The following PLCXD1 variants were observed in gnomAD, a reference collection of about 807,000 sequenced individuals.
The protein encoded by PLCXD1 is phosphatidylinositol specific phospholipase C X domain containing 1.
In PLCXD1, 45 loss-of-function variants were observed where a neutral mutation model predicts 37.8. The ratio of observed to expected loss-of-function variants is 1.19; its 90% confidence interval spans 0.94 to 1.53. The LOEUF is 1.53. PLCXD1 is among the 40% of genes most tolerant of loss of function. The pLI is 0.00. For synonymous variants in PLCXD1, 246 were observed against 206.9 expected (o/e 1.19, Z -1.62); for missense variants, 539 against 454.7 (o/e 1.19, Z -1.69).
At position 288,768 on chromosome X, in the gene PLCXD1, A is replaced by C. The variant is rs1312602683; in HGVS notation, c.163A>C (p.Lys55Gln). The C allele has an allele frequency of 6.2e-7, 1 of 1,613,848 alleles. No homozygotes were observed. The highest frequency in any genetic ancestry group is 1.7e-5 in the Admixed American group (1 of 60,014). Residue 55 changes from lysine (K) to glutamine (Q), a missense_variant, in exon 3 of 7, where the codon AAG (lysine) becomes CAG (glutamine). By Grantham distance (53) the Lys-to-Gln change is moderately conservative. Coordinates refer to ENST00000381657, the MANE Select transcript of PLCXD1 (RefSeq NM_018390.4). ...CACGATGACGTACTGCCTGAACAAG[A>C]AGTCCCCCATTTCGCACGAGGAGTC... ...HDTMTYCLNK[K>Q]SPISHEESRL...
At chrX:286,850 T>C (rs936560285) in intron 2 of PLCXD1, among the ~76,000 whole-genome samples, 2 of 152,100 alleles carry the variant, frequency 1.3e-5, no homozygotes, top group Non-Finnish European at 2.9e-5. Flanking sequence ...TCTTATAAAC[T>C]AGGCAAGGTG....
chrX:285,139 T>C (rs770301830), intron 2 of PLCXD1, among the ~76,000 whole-genome samples: 28 of 121,888 alleles, frequency 2.3e-4, no homozygotes, highest in Middle Eastern at 4.1e-3. Context: ...CACACATACA[T>C]GCATGCACAC....
Position 299,406 on chromosome X carries a change from G to C in PLCXD1, c.*71G>C, listed in dbSNP as rs1408698838. ...CCGAATTTCCAAGTATTGTGACTTT[G>C]TTTGGGCCAAATGTTGGTGATCATA... is the stretch of plus-strand genomic sequence containing the variant. On this transcript the variant is annotated 3_prime_UTR_variant, in exon 7 of 7. Coordinates refer to ENST00000381657, the MANE Select transcript of PLCXD1 (RefSeq NM_018390.4). 3.7e-6 allele frequency: 4 copies of C among 1,084,426 alleles called. No individual in the cohort carries two copies. Among genetic ancestry groups the C allele is most frequent in the African/African-American group, 3.1e-5 (2 of 64,798 alleles). The allele number at this position is 1,084,426 out of a possible 1,614,324, so 67.2% of individuals were successfully genotyped here. A position where few individuals can be genotyped will look rare whatever the true frequency, so the allele number is the denominator to read the frequency against.
intron 5 of PLCXD1, 65 bp downstream of exon 5, chrX:291,719 A>G (rs7892580): frequency 0.16 from 242,054 of 1,535,528 alleles, 24,219 homozygotes; most frequent in African/African-American, 0.48. Flanking sequence ...CTCAGACTCC[A>G]TTTGCTGTGC....
chrX:282,964 GTATATATTATATGTATAA>G (rs968198329), intron 1 of PLCXD1, among the ~76,000 whole-genome samples: 94 of 143,798 alleles, frequency 6.5e-4, no homozygotes, highest in African/African-American at 2.2e-3. Context: ...TATTATATAT[GTATATATTATATGTATAA>G]TATATATTAT....
chrX:292,163 G>T (rs1231497597), intron 5 of PLCXD1, among the ~76,000 whole-genome samples: 2 of 145,974 alleles, frequency 1.4e-5, no homozygotes, highest in Non-Finnish European at 3.0e-5. Flanking sequence ...ATCTGGGTGT[G>T]GCGGTGGGTG....
chrX:294,103 A>G (rs768101252), intron 6 of PLCXD1, among the ~76,000 whole-genome samples: 18 of 149,376 alleles, frequency 1.2e-4, no homozygotes, highest in African/African-American at 4.4e-4. Context: ...TTGGGAGGCC[A>G]AGGTGGGTGG....
Position 299,480 on chromosome X carries a change from G to A in PLCXD1, c.*145G>A. ...TTTTCTTTAAAATAGAGATGGGGTGGCTGGGCGTGGTGACTTCGCCTGTCT... is the reference window on the plus strand; with the variant it reads ...TTTTCTTTAAAATAGAGATGGGGTGACTGGGCGTGGTGACTTCGCCTGTCT... On this transcript the variant is annotated 3_prime_UTR_variant, in exon 7 of 7. Coordinates refer to ENST00000381657, the MANE Select transcript of PLCXD1 (RefSeq NM_018390.4). 1.4e-6 allele frequency: 1 copy of A among 699,206 alleles called. No homozygotes were observed. The highest frequency in any genetic ancestry group is 2.7e-5 in the East Asian group (1 of 37,440). 43.3% of individuals were successfully genotyped at this position (699,206 alleles called of 1,614,324 possible).
chrX:286,875 CAGG>C (rs1197414408), intron 2 of PLCXD1, among the ~76,000 whole-genome samples: 2 of 151,966 alleles, frequency 1.3e-5, no homozygotes, highest in Admixed American at 6.6e-5. Flanking sequence ...TAGGGGGCAG[CAGG>C]AGAAGTACTG....
At position 300,498 on chromosome X, in the gene PLCXD1, A is replaced by G. The variant is rs28841620; in HGVS notation, c.*1163A>G. The G allele has an allele frequency of 1.5e-5, 2 of 136,192 alleles. No homozygotes were observed. Among genetic ancestry groups the G allele is most frequent in the East Asian group, 2.0e-4 (1 of 5,080 alleles). The allele number at this position is 136,192 out of a possible 1,614,324, so 8.4% of individuals were successfully genotyped here. On this transcript the variant is annotated 3_prime_UTR_variant, in exon 7 of 7. Transcript: ENST00000381657. ...TGTGTGTATATGTGTGTATGTGTGTATATATGTATATGTGTGCATATGTGT... is the reference window on the plus strand; with the variant it reads ...TGTGTGTATATGTGTGTATGTGTGTGTATATGTATATGTGTGCATATGTGT...
chrX:286,864 G>A (rs1444928180), intron 2 of PLCXD1, among the ~76,000 whole-genome samples: 2 of 151,962 alleles, frequency 1.3e-5, no homozygotes, highest in African/African-American at 4.8e-5. Flanking sequence ...CAAGGTGGGG[G>A]TAGGGGGCAG....
rs750537038 is a variant in PLCXD1 at position 299,309 on chromosome X, C to G, written c.946C>G (p.Leu316Val). 1 of 1,613,594 alleles carries G rather than the reference C, an allele frequency of 6.2e-7. No individual in the cohort carries two copies. The highest frequency in any genetic ancestry group is 8.5e-7 in the Non-Finnish European group (1 of 1,179,534). ...CGGCTTCGTCAGTGACGTCATCGCG[C>G]TCAATCAGAAGCTGCTGTGGTGCTG... is the stretch of plus-strand genomic sequence containing the variant. ...ADGFVSDVIALNQKLLWC is the reference protein window; with the variant it reads ...ADGFVSDVIAVNQKLLWC The change falls in exon 7 of 7, where the codon CTC becomes GTC. Residue 316 changes from leucine to valine, a missense_variant. Leu to Val is a conservative substitution (Grantham distance 32, BLOSUM62 1). Transcript: ENST00000381657.
At chrX:288,675 C>G (rs2069530774) in intron 2 of PLCXD1, 58 bp from the exon 3 acceptor site, 3 of 1,594,664 alleles carry the variant, frequency 1.9e-6, no homozygotes, top group Admixed American at 1.7e-5. Flanking sequence ...GAGCGACTCA[C>G]AGCAGGTGGC....
In PLCXD1 at chrX:301,548, A is replaced by G. The variant is rs2070016586; in HGVS notation, c.*2213A>G. 1 of 152,094 alleles carries G rather than the reference A, an allele frequency of 6.6e-6. No homozygotes were observed. The highest frequency in any genetic ancestry group is 6.6e-5 in the Admixed American group (1 of 15,252). The allele number at this position is 152,094 out of a possible 1,614,324, so 9.4% of individuals were successfully genotyped here. A position where few individuals can be genotyped will look rare whatever the true frequency, so the allele number is the denominator to read the frequency against. Reference sequence around the variant, plus strand: ...AACCTTCAACGCCTGGGCTGAAGCAATTCTCCCGCCTCAGCTTCCCAAGTA... The same window carrying G: ...AACCTTCAACGCCTGGGCTGAAGCAGTTCTCCCGCCTCAGCTTCCCAAGTA... On this transcript the variant is annotated 3_prime_UTR_variant, in exon 7 of 7. Transcript: ENST00000381657.
rs1382895815 is a variant in PLCXD1 at position 303,076 on chromosome X, T to C, written c.*3741T>C. 6.6e-6 allele frequency: 1 copy of C among 152,168 alleles called. No individual in the cohort carries two copies. Among genetic ancestry groups the C allele is most frequent in the East Asian group, 1.9e-4 (1 of 5,202 alleles). 9.4% of individuals were successfully genotyped at this position (152,168 alleles called of 1,614,324 possible). On this transcript the variant is annotated 3_prime_UTR_variant, in exon 7 of 7. Coordinates refer to ENST00000381657, the MANE Select transcript of PLCXD1 (RefSeq NM_018390.4). ...TAGGTTCTCTTTGGGACCTAATGAC[T>C]CATTTTCCAAAAATCCGCTTCTACT...
At position 295,111 on chromosome X, in the gene PLCXD1, G is replaced by A. The variant is rs1286850281; in HGVS notation, c.733+1893G>A. On this transcript the variant is annotated intron_variant, in intron 6 of 6. Transcript: ENST00000381657. ...CTTGAACCCGGGGGCGGAGGCTGCC[G>A]TGAGCCGAAATCGCGCCACAGCACT... Among the ~76,000 whole-genome samples, 6 of 151,202 alleles carry A rather than the reference G, an allele frequency of 4.0e-5. No homozygotes were observed. In the East Asian group the frequency reaches 5.9e-4, roughly 15 times the overall value.
At chrX:279,171 G>A (rs1296819841), upstream of PLCXD1, among the ~76,000 whole-genome samples, 1 of 152,202 alleles carries the variant, frequency 6.6e-6, no homozygotes, top group Non-Finnish European at 1.5e-5. Flanking sequence ...GCACAAAGTC[G>A]ATTGATCGGC....
intron 5 of PLCXD1, 121 bp from the exon 6 acceptor site, chrX:292,914 G>A: frequency 1.6e-6 from 1 of 643,692 alleles, no homozygotes; most frequent in Non-Finnish European, 2.6e-6. Context: ...CGCCCGGCCA[G>A]AATTTCATTT....
chrX:296,363 T>A (rs2069808426), intron 6 of PLCXD1, among the ~76,000 whole-genome samples: 1 of 151,894 alleles, frequency 6.6e-6, no homozygotes, highest in South Asian at 2.1e-4. Flanking sequence ...GACCTCATGA[T>A]CCACCGGCCT....
Sources: gnomAD v4.1 joint callset for allele counts (sites outside exome capture counted in the v4.1 genomes callset) on GRCh38, gnomAD v4.1.1 for gene constraint, MANE v1.5 for transcripts, NCBI Gene and HGNC (gene_info 2026-07-23, HGNC 2026-07-21) for gene names.